Variants in DNAH12 observed in about 807,000 individuals in gnomAD.
The protein encoded by DNAH12 is axonemal beta dynein heavy chain 12.
DNAH12 carries 285 observed loss-of-function variants against 371.5 expected under a neutral mutation model. That is an observed-to-expected ratio of 0.77 (90% CI 0.70 to 0.85). The LOEUF (loss-of-function observed/expected upper bound fraction) is 0.85. DNAH12 is among the 40% of genes least tolerant of loss of function. The pLI is 0.00. For missense variants in DNAH12, 3,611 were observed against 3,689.4 expected, an observed-to-expected ratio of 0.98 and a Z score of 0.55; for synonymous variants, 1,200 against 1,213.0, an observed-to-expected ratio of 0.99 and a Z score of 0.22.
chr3:57,399,764 T>C (rs2063818466), intron 43 of DNAH12, among the ~76,000 whole-genome samples: 2 of 152,172 alleles, frequency 1.3e-5, no homozygotes, highest in African/African-American at 2.4e-5. Flanking sequence ...AACATGAAGA[T>C]CGTGAGGATG....
intron 49 of DNAH12, among the ~76,000 whole-genome samples, chr3:57,383,686 A>C (rs1489465922): frequency 6.7e-6 from 1 of 150,334 alleles, no homozygotes; most frequent in Non-Finnish European, 1.5e-5. Context: ...CTTTAGCCCA[A>C]AAGTTTCAGG....
At chr3:57,522,469 G>T (rs957663256) in intron 4 of DNAH12, among the ~76,000 whole-genome samples, 1 of 152,130 alleles carries the variant, frequency 6.6e-6, no homozygotes, top group Non-Finnish European at 1.5e-5. Context: ...GGAATGTTGT[G>T]TATCAGTAAT....
intron 43 of DNAH12, among the ~76,000 whole-genome samples, chr3:57,399,262 A>G (rs2063807042): frequency 6.6e-6 from 1 of 152,124 alleles, no homozygotes; most frequent in South Asian, 2.1e-4. Context: ...AGAAATGAGG[A>G]AAAAAAGAAG....
chr3:57,459,468 G>T (rs757387139), intron 20 of DNAH12, 124 bp downstream of exon 20: 18 of 940,028 alleles, frequency 1.9e-5, no homozygotes, highest in Non-Finnish European at 2.5e-5. Flanking sequence ...ATATTTTTCT[G>T]AACTTTCCAG....
chr3:57,468,899 T>C lies in DNAH12; in HGVS notation c.2186A>G (p.Lys729Arg), dbSNP rs763255294. 1.4e-4 allele frequency: 215 copies of C among 1,528,196 alleles called. No homozygotes were observed. Among genetic ancestry groups the C allele is most frequent in the Non-Finnish European group, 1.8e-4 (207 of 1,141,446 alleles). The allele number at this position is 1,528,196 out of a possible 1,614,324, so 94.7% of individuals were successfully genotyped here. A position where few individuals can be genotyped will look rare whatever the true frequency, so the allele number is the denominator to read the frequency against. ...DVEEFSREIF[K>R]TLKFFQTKLK... Reference sequence around the variant, plus strand: ...CTTCGTTTGGAAAAATTTTAGTGTCTTAAAAATTTCTCGGGAAAACTCTTC... The same window carrying C: ...CTTCGTTTGGAAAAATTTTAGTGTCCTAAAAATTTCTCGGGAAAACTCTTC... Residue 729 changes from lysine (K) to arginine (R), a missense_variant, in exon 17 of 74, where the codon AAG becomes AGG. By Grantham distance (26) the Lys-to-Arg change is conservative. Coordinates refer to ENST00000495027, the MANE Select transcript of DNAH12 (RefSeq NM_001366028.2).
intron 37 of DNAH12, among the ~76,000 whole-genome samples, chr3:57,417,880 G>A (rs1257415729): frequency 6.6e-6 from 1 of 152,208 alleles, no homozygotes; most frequent in African/African-American, 2.4e-5. Context: ...GCTGGGCACG[G>A]TGGCTCAAGC....
chr3:57,525,043 A>T (rs1291666649), intron 2 of DNAH12, among the ~76,000 whole-genome samples: 1 of 152,072 alleles, frequency 6.6e-6, no homozygotes, highest in Non-Finnish European at 1.5e-5. Context: ...CATACAAGGG[A>T]AATTAAAAGA....
At chr3:57,371,665 A>ACACG (rs1553667684) in intron 55 of DNAH12, among the ~76,000 whole-genome samples, 5 of 67,256 alleles carry the variant, frequency 7.4e-5, no homozygotes, top group East Asian at 3.2e-4. Context: ...CCATCTCAAA[A>ACACG]CACGCACACA....
At chr3:57,396,552 T>C (rs2063746102) in intron 43 of DNAH12, among the ~76,000 whole-genome samples, 5 of 151,804 alleles carry the variant, frequency 3.3e-5, no homozygotes, top group Admixed American at 3.3e-4. Context: ...TGCTTTCCAC[T>C]ACAAGTGATT....
At chr3:57,373,440 T>G (rs2153338094) in intron 55 of DNAH12, among the ~76,000 whole-genome samples, 1 of 151,770 alleles carries the variant, frequency 6.6e-6, no homozygotes, top group Admixed American at 6.6e-5. Flanking sequence ...CTCAGCCTCC[T>G]GCGTAGCTGG....
At chr3:57,504,581 CATG>C in intron 8 of DNAH12, among the ~76,000 whole-genome samples, 1 of 151,882 alleles carries the variant, frequency 6.6e-6, no homozygotes, top group South Asian at 2.1e-4. Flanking sequence ...AGCTAATCAG[CATG>C]ATATGTTCTT....
intron 60 of DNAH12, among the ~76,000 whole-genome samples, chr3:57,338,575 C>T (rs1175776018): frequency 4.7e-5 from 7 of 149,348 alleles, no homozygotes; most frequent in South Asian, 2.1e-4. Context: ...AAGTGAGGAG[C>T]GCCTCTGCCC....
Position 57,444,786 on chromosome 3 carries a change from G to C in DNAH12, c.4456C>G (p.Pro1486Ala), listed in dbSNP as rs757035517. 1 of 1,546,722 alleles carries C rather than the reference G, an allele frequency of 6.5e-7. No homozygotes were observed. The highest frequency in any genetic ancestry group is 8.7e-7 in the Non-Finnish European group (1 of 1,145,332). The change falls in exon 29 of 74, where the codon CCA (proline) becomes GCA (alanine). Residue 1486 changes from proline (P) to alanine (A), a missense_variant. Physicochemically the swap from Pro to Ala is conservative, Grantham distance 27 (BLOSUM62 -1). Around this residue, in one of 3 missense-constraint regions of DNAH12, gnomAD observed 2,266 missense variants for 2,236.9 expected, o/e 1.01. Coordinates refer to ENST00000495027, the MANE Select transcript of DNAH12 (RefSeq NM_001366028.2). ...GGTATATCATGTGATAAAAACTTTGGTTCATTTACATCTTTAATTGATCGA... is the reference window on the plus strand; with the variant it reads ...GGTATATCATGTGATAAAAACTTTGCTTCATTTACATCTTTAATTGATCGA... ...LLRSIKDVNE[P>A]KFLSHDIPLF...
intron 12 of DNAH12, among the ~76,000 whole-genome samples, chr3:57,485,344 G>A (rs1371912201): frequency 6.6e-6 from 1 of 152,068 alleles, no homozygotes; most frequent in Non-Finnish European, 1.5e-5. Context: ...ATACTACTTA[G>A]CCATAAAAAG....
intron 2 of DNAH12, among the ~76,000 whole-genome samples, chr3:57,536,941 A>C (rs866111716): frequency 1.3e-5 from 2 of 152,366 alleles, no homozygotes; most frequent in Middle Eastern, 6.8e-3. Flanking sequence ...GGCCGGGTAC[A>C]GTGGCTCCCA....
chr3:57,363,351 C>T (rs1383572361), intron 58 of DNAH12, among the ~76,000 whole-genome samples: 2 of 152,194 alleles, frequency 1.3e-5, no homozygotes, highest in South Asian at 2.1e-4. Flanking sequence ...TTAAAACGTT[C>T]ATTCTAAATT....
intron 61 of DNAH12, 29 bp downstream of exon 61, chr3:57,334,753 A>C: frequency 6.5e-7 from 1 of 1,532,146 alleles, no homozygotes; most frequent in South Asian, 1.3e-5. Flanking sequence ...TTGCCATTCA[A>C]TGATAAATCA....
chr3:57,513,324 A>T (rs144431995), intron 4 of DNAH12, among the ~76,000 whole-genome samples: 25 of 152,258 alleles, frequency 1.6e-4, no homozygotes, highest in Middle Eastern at 3.4e-3. Context: ...CAATGAGAAC[A>T]CATGGACACA....
chr3:57,311,226 C>A (rs1337838902), intron 66 of DNAH12, among the ~76,000 whole-genome samples: 1 of 152,064 alleles, frequency 6.6e-6, no homozygotes, highest in Non-Finnish European at 1.5e-5. Context: ...CAGGAGTGTG[C>A]CACCACGCCC....
Sources: gnomAD v4.1 joint callset for allele counts (sites outside exome capture counted in the v4.1 genomes callset) on GRCh38, gnomAD v4.1.1 for gene constraint, gnomAD v4.1.1 regional missense constraint, MANE v1.5 for transcripts, NCBI Gene and HGNC (gene_info 2026-07-23, HGNC 2026-07-21) for gene names.